Variants in STRN3 observed in about 807,000 individuals in gnomAD.
The protein encoded by STRN3 is striatin-3.
Under a neutral mutation model 95.6 loss-of-function variants are expected in STRN3, and 29 were observed. The observed-to-expected ratio is 0.30, with a 90% CI of 0.23 to 0.41. The LOEUF (loss-of-function observed/expected upper bound fraction) is 0.41, where lower values mean the gene tolerates loss of function less well. STRN3 is among the 10% of genes least tolerant of loss of function. STRN3 has a pLI of 1.00. For missense variants in STRN3, 890 were observed against 972.1 expected (o/e 0.92, Z 1.12); for synonymous variants, 331 against 357.6 (o/e 0.93, Z 0.84).
chr14:30,899,623 T>C lies in STRN3; in HGVS notation c.2137+2913A>G, dbSNP rs368807341. 9.9e-5 allele frequency among the ~76,000 whole-genome samples: 15 copies of C among 152,268 alleles called. No individual in the cohort carries two copies. The South Asian group carries it at 3.1e-3, about 32-fold the overall frequency. ...CTGTTCCTGAGAAAGTTTCCACCAC[T>C]GCACCTCTGCTCAAAATATCCCCAT... On this transcript the variant is annotated intron_variant, in intron 16 of 17. Transcript: ENST00000357479.
chr14:31,025,672 C>T, intron 1 of STRN3: 1 of 654,134 alleles, frequency 1.5e-6, no homozygotes, highest in East Asian at 3.2e-5. Flanking sequence ...ATGGCTGCCC[C>T]GAGGAGGCCC....
intron 1 of STRN3, among the ~76,000 whole-genome samples, chr14:30,977,830 G>T (rs1881190870): frequency 6.8e-6 from 1 of 146,454 alleles, no homozygotes; most frequent in African/African-American, 2.5e-5. Context: ...TGAAAGAAGG[G>T]TCCTCATTAT....
chr14:30,899,308 T>G (rs1896241934), intron 16 of STRN3, among the ~76,000 whole-genome samples: 1 of 152,238 alleles, frequency 6.6e-6, no homozygotes, highest in African/African-American at 2.4e-5. Flanking sequence ...TTTGTAACTC[T>G]ACCAAAATTT....
intron 1 of STRN3, among the ~76,000 whole-genome samples, chr14:30,966,530 C>T (rs144187573): frequency 3.3e-5 from 5 of 152,200 alleles, no homozygotes; most frequent in Admixed American, 6.5e-5. Context: ...AGGAATAACC[C>T]GAGCTCTCAG....
At chr14:30,953,170 T>G (rs1879735602) in intron 3 of STRN3, among the ~76,000 whole-genome samples, 1 of 152,178 alleles carries the variant, frequency 6.6e-6, no homozygotes, top group Non-Finnish European at 1.5e-5. Flanking sequence ...TAAATAATGT[T>G]GCTAAGGATA....
At chr14:30,955,910 T>C (rs952230758) in intron 2 of STRN3, among the ~76,000 whole-genome samples, 3 of 151,352 alleles carry the variant, frequency 2.0e-5, no homozygotes, top group Non-Finnish European at 3.0e-5. Context: ...ATCCTTTGTC[T>C]TTTTTTTTAA....
intron 16 of STRN3, among the ~76,000 whole-genome samples, chr14:30,896,896 G>A (rs1490486049): frequency 6.6e-6 from 1 of 152,188 alleles, no homozygotes; most frequent in Non-Finnish European, 1.5e-5. Flanking sequence ...TAAAAGACAA[G>A]TTGTGAACAC....
At chr14:31,012,931 C>T (rs997978008) in intron 1 of STRN3, among the ~76,000 whole-genome samples, 7 of 151,280 alleles carry the variant, frequency 4.6e-5, no homozygotes, top group East Asian at 1.9e-4. Flanking sequence ...TCTCTATTAG[C>T]AGGTTTGGAA....
chr14:30,918,797 A>G (rs1008162068), intron 9 of STRN3, among the ~76,000 whole-genome samples, 169 bp downstream of exon 9: 6 of 152,190 alleles, frequency 3.9e-5, no homozygotes, highest in African/African-American at 1.4e-4. Flanking sequence ...AGAAACCAGA[A>G]ATGTCAAAAT....
At chr14:30,997,676 G>C (rs1882266949) in intron 1 of STRN3, among the ~76,000 whole-genome samples, 1 of 152,122 alleles carries the variant, frequency 6.6e-6, no homozygotes, top group Non-Finnish European at 1.5e-5. Flanking sequence ...CTTCTTCGAT[G>C]TCTCCTCTTA....
chr14:31,021,424 GTTGTT>G (rs1468310454), intron 1 of STRN3, among the ~76,000 whole-genome samples: 1 of 152,158 alleles, frequency 6.6e-6, no homozygotes. Context: ...ACCTCACTGA[GTTGTT>G]TTGAGAATTA....
chr14:30,900,295 G>T (rs1896270621), intron 16 of STRN3, among the ~76,000 whole-genome samples: 1 of 149,750 alleles, frequency 6.7e-6, no homozygotes. Flanking sequence ...GGAGGCAGAG[G>T]TTGCAGTGAG....
chr14:31,002,470 C>CAAAA (rs59491889), intron 1 of STRN3, among the ~76,000 whole-genome samples: 1 of 81,614 alleles, frequency 1.2e-5, no homozygotes, highest in Non-Finnish European at 2.4e-5. Flanking sequence ...GACTCTGTCT[C>CAAAA]AAAAAAAAAA....
At chr14:31,019,089 C>T (rs179729) in intron 1 of STRN3, among the ~76,000 whole-genome samples, 138,617 of 152,186 alleles carry the variant, frequency 0.91, 63,489 homozygotes, top group Non-Finnish European at 0.97. Flanking sequence ...GGTAGGAGGA[C>T]TACTTGAGGC....
At chr14:30,914,340 T>C (rs12100679) in intron 9 of STRN3, among the ~76,000 whole-genome samples, 5,368 of 152,226 alleles carry the variant, frequency 0.035, 125 homozygotes, top group East Asian at 0.082. Context: ...GTCTTCAGAA[T>C]GTCTTCCAGC....
intron 1 of STRN3, among the ~76,000 whole-genome samples, chr14:31,002,779 G>A (rs1011914792): frequency 6.6e-6 from 1 of 152,096 alleles, no homozygotes; most frequent in Non-Finnish European, 1.5e-5. Flanking sequence ...AAGGTACCTA[G>A]AGTAGTCAAA....
rs117746043 is a variant in STRN3 at position 30,908,659 on chromosome 14, C to T, written c.1721-1615G>A. On this transcript the variant is annotated intron_variant, in intron 13 of 17. Coordinates refer to ENST00000357479, the MANE Select transcript of STRN3 (RefSeq NM_001083893.2). ...TCAAAATTGTTTCTTCTTTAGTGTG[C>T]GCTTCCATGATTTCGCACCCTCTCC... Among the ~76,000 whole-genome samples the T allele has an allele frequency of 2.0e-3, 309 of 152,242 alleles. 5 individuals carry two copies. In the East Asian group the frequency reaches 0.031, roughly 15 times the overall value.
intron 9 of STRN3, among the ~76,000 whole-genome samples, chr14:30,918,549 G>T (rs891795369): frequency 6.6e-6 from 1 of 151,826 alleles, no homozygotes; most frequent in African/African-American, 2.4e-5. Context: ...CAAGCACAAT[G>T]CCTGGCACCA....
chr14:30,895,196 G>A lies in STRN3; in HGVS notation c.*215C>T, dbSNP rs1383246760. 1 of 546,938 alleles carries A rather than the reference G, an allele frequency of 1.8e-6. No homozygotes were observed. The highest frequency in any genetic ancestry group is 3.0e-5 in the East Asian group (1 of 33,896). The allele number at this position is 546,938 out of a possible 1,614,324, so 33.9% of individuals were successfully genotyped here. A position where few individuals can be genotyped will look rare whatever the true frequency, so the allele number is the denominator to read the frequency against. ...ACATCCAGTACAGGCCACAAATACT[G>A]GAGTCCTTTTTTCTTTGTCCCACAA... On this transcript the variant is annotated 3_prime_UTR_variant, in exon 18 of 18. Transcript: ENST00000357479.
Sources: gnomAD v4.1 joint callset for allele counts (sites outside exome capture counted in the v4.1 genomes callset) on GRCh38, gnomAD v4.1.1 for gene constraint, MANE v1.5 for transcripts, NCBI Gene and HGNC (gene_info 2026-07-23, HGNC 2026-07-21) for gene names.